The following SIRT5 variants were observed in gnomAD, a reference collection of about 807,000 sequenced individuals.
The protein encoded by SIRT5 is NAD-dependent protein deacylase sirtuin-5, mitochondrial.
SIRT5 carries 26 observed loss-of-function variants against 40.0 expected under a neutral mutation model. That is an observed-to-expected ratio of 0.65 (90% CI 0.48 to 0.90). SIRT5 has a LOEUF of 0.90. Ranked by LOEUF, SIRT5 falls within the 40% of genes least tolerant of loss-of-function variation. The pLI is 0.00. For synonymous variants in SIRT5, 146 were observed against 149.1 expected (o/e 0.98, Z 0.15); for missense variants, 401 against 402.4 (o/e 1.00, Z 0.03).
At chr6:13,601,079 A>G (rs1460145191) in intron 9 of SIRT5, 130 bp downstream of exon 9, 6 of 646,896 alleles carry the variant, frequency 9.3e-6, no homozygotes, top group South Asian at 8.7e-5. Flanking sequence ...TTTGATCTGC[A>G]GTTGCTTTTA....
chr6:13,582,468 A>G (rs1759471727), intron 2 of SIRT5, among the ~76,000 whole-genome samples: 1 of 152,114 alleles, frequency 6.6e-6, no homozygotes, highest in Non-Finnish European at 1.5e-5. Flanking sequence ...GTAAAACTGA[A>G]GCTCTATACT....
intron 2 of SIRT5, among the ~76,000 whole-genome samples, chr6:13,580,695 A>G (rs1759230669): frequency 6.6e-6 from 1 of 151,774 alleles, no homozygotes; most frequent in African/African-American, 2.4e-5. Flanking sequence ...TTTCTTTGAC[A>G]GGGTCTCACT....
intron 7 of SIRT5, among the ~76,000 whole-genome samples, chr6:13,598,221 G>C (rs1761858671): frequency 6.6e-6 from 1 of 152,214 alleles, no homozygotes; most frequent in Non-Finnish European, 1.5e-5. Context: ...GATGAAAATG[G>C]TGTTTGGGGG....
At chr6:13,596,922 T>C (rs201137072) in intron 6 of SIRT5, 41 bp from the exon 7 acceptor site, 4 of 1,485,032 alleles carry the variant, frequency 2.7e-6, no homozygotes, top group Non-Finnish European at 3.7e-6. Flanking sequence ...TTTTTTATTA[T>C]GCCAATAACA....
intron 4 of SIRT5, chr6:13,588,913 T>C (rs1760436010): frequency 6.5e-6 from 1 of 154,820 alleles, no homozygotes; most frequent in Non-Finnish European, 1.4e-5. Context: ...AAGGTGCGGA[T>C]TTTTTTAATT....
intron 9 of SIRT5, among the ~76,000 whole-genome samples, chr6:13,609,822 T>G (rs945955925): frequency 6.6e-6 from 1 of 152,208 alleles, no homozygotes; most frequent in Non-Finnish European, 1.5e-5. Context: ...CCCGTGTCTT[T>G]TATTCTGATC....
intron 9 of SIRT5, among the ~76,000 whole-genome samples, chr6:13,601,450 T>C (rs1321142690): frequency 6.6e-6 from 1 of 152,194 alleles, no homozygotes; most frequent in Non-Finnish European, 1.5e-5. Context: ...ATTGTCATAG[T>C]ATGCATTTTT....
rs904605647 is a variant in SIRT5 at position 13,599,076 on chromosome 6, T to A, written c.662T>A (p.Val221Glu). 6.2e-7 allele frequency: 1 copy of A among 1,614,116 alleles called. No homozygotes were observed. The highest frequency in any genetic ancestry group is 8.5e-7 in the Non-Finnish European group (1 of 1,179,998). The change falls in exon 8 of 10, where the codon GTG (valine) becomes GAG (glutamate). Residue 221 changes from valine to glutamate, a missense_variant. Val to Glu is a moderately radical substitution (Grantham distance 121). Transcript: ENST00000606117. ...GCGGLLRPHV[V>E]WFGENLDPAI... Reference sequence around the variant, plus strand: ...GGGGGCTTGCTGCGACCTCACGTCGTGTGGTTTGGAGAAAACCTGGATCCT... The same window carrying A: ...GGGGGCTTGCTGCGACCTCACGTCGAGTGGTTTGGAGAAAACCTGGATCCT...
At position 13,614,834 on chromosome 6, in the gene SIRT5, A is replaced by C. The variant is rs1764207079; in HGVS notation, c.*2969A>C. On this transcript the variant is annotated 3_prime_UTR_variant, in exon 10 of 10. Coordinates refer to ENST00000606117, the MANE Select transcript of SIRT5 (RefSeq NM_012241.5). ...CGCCCGCGTCTTCGTCGGTGGCAGC[A>C]GGGCTGACTGGCCACGGCGGCCATC... The C allele has an allele frequency of 6.5e-6, 1 of 153,278 alleles. No homozygotes were observed. Among genetic ancestry groups the C allele is most frequent in the African/African-American group, 2.4e-5 (1 of 41,498 alleles). The allele number at this position is 153,278 out of a possible 1,614,324, so 9.5% of individuals were successfully genotyped here.
intron 1 of SIRT5, among the ~76,000 whole-genome samples, chr6:13,577,623 T>A (rs552539256): frequency 2.7e-4 from 41 of 149,326 alleles, no homozygotes; most frequent in African/African-American, 9.7e-4. Flanking sequence ...TATAGAAATC[T>A]CATATATCTT....
intron 9 of SIRT5, among the ~76,000 whole-genome samples, chr6:13,603,437 T>C (rs941925780): frequency 5.9e-5 from 9 of 152,136 alleles, no homozygotes; most frequent in African/African-American, 2.2e-4. Context: ...GTCAAAATAT[T>C]TGAAAAGACA....
chr6:13,605,862 T>A, intron 9 of SIRT5: 15 of 979,520 alleles, frequency 1.5e-5, no homozygotes, highest in Non-Finnish European at 1.8e-5. Context: ...CAAAGCACCT[T>A]TGGCCCACTG....
intron 9 of SIRT5, among the ~76,000 whole-genome samples, chr6:13,610,025 T>TG (rs1472416530): frequency 6.6e-6 from 1 of 152,102 alleles, no homozygotes; most frequent in Non-Finnish European, 1.5e-5. Flanking sequence ...GTCTGTACAG[T>TG]GGTATAATCA....
In SIRT5 at chr6:13,591,842, C is replaced by T; in HGVS notation, c.423C>T (p.Asn141=). 6.2e-7 allele frequency: 1 copy of T among 1,614,138 alleles called. No individual in the cohort carries two copies. The highest frequency in any genetic ancestry group is 8.5e-7 in the Non-Finnish European group (1 of 1,179,968). Residue 141 remains asparagine (N), a synonymous_variant, in exon 5 of 10, where the codon AAC becomes AAT. Coordinates refer to ENST00000606117, the MANE Select transcript of SIRT5 (RefSeq NM_012241.5). ...GGCGAGTCGTGGTCATCACCCAGAA[C>T]ATCGATGAGCTGCACCGCAAGGCTG... ...QGRRVVVITQ[N]IDELHRKAGT...
At chr6:13,598,057 T>G (rs929542415) in intron 7 of SIRT5, among the ~76,000 whole-genome samples, 6 of 152,206 alleles carry the variant, frequency 3.9e-5, no homozygotes, top group Non-Finnish European at 5.9e-5. Context: ...TTCTAAAAAG[T>G]GGTTGTAATA....
rs199963254 is a variant in SIRT5 at position 13,579,488 on chromosome 6, A to G, written c.-157A>G. 6.6e-6 allele frequency: 1 copy of G among 152,206 alleles called. No homozygotes were observed. Among genetic ancestry groups the G allele is most frequent in the Non-Finnish European group, 1.5e-5 (1 of 68,040 alleles). 9.4% of individuals were successfully genotyped at this position (152,206 alleles called of 1,614,324 possible). A position where few individuals can be genotyped will look rare whatever the true frequency, so the allele number is the denominator to read the frequency against. On this transcript the variant is annotated 5_prime_UTR_variant, in exon 2 of 10. Transcript: ENST00000606117. ...TTTTCTAACATATAAAAACCTACAG[A>G]AGAAGAAAATAATTTTCTGGATCAA... is the stretch of plus-strand genomic sequence containing the variant.
intron 9 of SIRT5, chr6:13,605,365 C>T (rs1762966264): frequency 1.0e-6 from 1 of 979,172 alleles, no homozygotes; most frequent in African/African-American, 1.8e-5. Flanking sequence ...CTGTGTGGCC[C>T]TTTACAGAAA....
At chr6:13,592,950 C>T (rs1761128554) in intron 5 of SIRT5, among the ~76,000 whole-genome samples, 1 of 136,498 alleles carries the variant, frequency 7.3e-6, no homozygotes, top group African/African-American at 2.8e-5. Context: ...GGGTTTCACT[C>T]TTGCCCAGGC....
rs1764075134 is a variant in SIRT5 at position 13,613,029 on chromosome 6, AAAG to A, written c.*1169_*1171del. On this transcript the variant is annotated 3_prime_UTR_variant, in exon 10 of 10. Coordinates refer to ENST00000606117, the MANE Select transcript of SIRT5 (RefSeq NM_012241.5). ...GGGATGGCACCAGGTTCAAGAGGCC[AAAG>A]AAGAGACCTGGAGCTAGTGAAGGAA... The A allele has an allele frequency of 6.6e-6, 1 of 152,522 alleles. No homozygotes were observed. Among genetic ancestry groups the A allele is most frequent in the African/African-American group, 2.4e-5 (1 of 41,462 alleles). The allele number at this position is 152,522 out of a possible 1,614,324, so 9.4% of individuals were successfully genotyped here. A position where few individuals can be genotyped will look rare whatever the true frequency, so the allele number is the denominator to read the frequency against.
Sources: gnomAD v4.1 joint callset for allele counts (sites outside exome capture counted in the v4.1 genomes callset) on GRCh38, gnomAD v4.1.1 for gene constraint, MANE v1.5 for transcripts, NCBI Gene and HGNC (gene_info 2026-07-23, HGNC 2026-07-21) for gene names.